The following CHL1 variants were observed in gnomAD, a reference collection of about 807,000 sequenced individuals.
CHL1 encodes the protein cell adhesion molecule L1 like.
Under a neutral mutation model 141.9 loss-of-function variants are expected in CHL1, and 96 were observed. That is an observed-to-expected ratio of 0.68 (90% CI 0.57 to 0.80). CHL1 has a LOEUF of 0.80. CHL1 is among the 30% of genes least tolerant of loss of function. CHL1 has a pLI of 0.00. For missense variants in CHL1, 1,820 were observed against 1,457.2 expected (o/e 1.25, Z -4.05); for synonymous variants, 613 against 502.2 (o/e 1.22, Z -2.95).
intron 2 of CHL1, among the ~76,000 whole-genome samples, chr3:249,868 A>G (rs909155475): frequency 6.6e-6 from 1 of 152,086 alleles, no homozygotes; most frequent in African/African-American, 2.4e-5. Context: ...CTGTATGAAT[A>G]TTATATGGGG....
chr3:405,680 G>A lies in CHL1; in HGVS notation c.3644G>A (p.Ser1215Asn), dbSNP rs1709488973. 3 of 1,613,304 alleles carry A rather than the reference G, an allele frequency of 1.9e-6. No individual in the cohort carries two copies. Among genetic ancestry groups the A allele is most frequent in the Non-Finnish European group, 2.5e-6 (3 of 1,179,460 alleles). Residue 1215 changes from serine (S) to asparagine (N), a missense_variant, in exon 28 of 28, where the codon AGT (serine) becomes AAT (asparagine). Coordinates refer to ENST00000256509, the MANE Select transcript of CHL1 (RefSeq NM_006614.4). ...AAGGGATCTGTTGAAAGCAATGGAAGTTCTACAGCAACTTTTCCCCTTCGG... is the reference window on the plus strand; with the variant it reads ...AAGGGATCTGTTGAAAGCAATGGAAATTCTACAGCAACTTTTCCCCTTCGG... ...KEKGSVESNG[S>N]STATFPLRA
intron 26 of CHL1, among the ~76,000 whole-genome samples, chr3:401,284 AAAAT>A (rs1372555225): frequency 6.6e-6 from 1 of 152,226 alleles, no homozygotes; most frequent in Non-Finnish European, 1.5e-5. Context: ...TTCAGATAGT[AAAAT>A]AAATATTTAG....
intron 1 of CHL1, among the ~76,000 whole-genome samples, chr3:227,792 C>G (rs1284478943): frequency 6.6e-6 from 1 of 152,208 alleles, no homozygotes; most frequent in East Asian, 1.9e-4. Flanking sequence ...GATACCTGCA[C>G]TCATTGCTTG....
chr3:376,495 T>G (rs1304589433), intron 15 of CHL1: 2 of 478,312 alleles, frequency 4.2e-6, no homozygotes, highest in Non-Finnish European at 8.2e-6. Flanking sequence ...TGGAGGCACC[T>G]AAGATACATT....
At chr3:242,625 AAAT>A (rs755282739) in intron 1 of CHL1, among the ~76,000 whole-genome samples, 3 of 151,652 alleles carry the variant, frequency 2.0e-5, no homozygotes, top group Admixed American at 6.6e-5. Flanking sequence ...AAATAAAATA[AAAT>A]AATACAGAGA....
At chr3:268,252 G>T (rs1695324848) in intron 2 of CHL1, among the ~76,000 whole-genome samples, 1 of 152,146 alleles carries the variant, frequency 6.6e-6, no homozygotes, top group African/African-American at 2.4e-5. Flanking sequence ...ATGATGACTA[G>T]GCCAGGCACA....
intron 2 of CHL1, among the ~76,000 whole-genome samples, chr3:250,663 C>T (rs1436970240): frequency 6.6e-6 from 1 of 152,076 alleles, no homozygotes; most frequent in African/African-American, 2.4e-5. Flanking sequence ...TGACTGCCTT[C>T]AGCTCAAAGT....
At chr3:401,794 A>G (rs1458146502) in intron 27 of CHL1, 96 bp downstream of exon 27, 7 of 704,826 alleles carry the variant, frequency 9.9e-6, no homozygotes, top group African/African-American at 7.4e-5. Context: ...AAAAGGTTAC[A>G]TAACTACAAT....
In CHL1 at chr3:337,492, G is replaced by A. The variant is rs150013367; in HGVS notation, c.386-3302G>A. Among the ~76,000 whole-genome samples, 863 of 151,910 alleles carry A rather than the reference G, an allele frequency of 5.7e-3. 4 individuals carry two copies. The highest frequency in any genetic ancestry group is 0.016 in the African/African-American group (666 of 41,378). ...TTAACTCATCATTTACATTAGGTAT[G>A]TCTCCCAATGCTATCCCTCCCCTCT... On this transcript the variant is annotated intron_variant, in intron 5 of 27. Coordinates refer to ENST00000256509, the MANE Select transcript of CHL1 (RefSeq NM_006614.4).
In CHL1 at chr3:391,765, A is replaced by T. The variant is rs528336095; in HGVS notation, c.2882A>T (p.Asn961Ile). The T allele has an allele frequency of 4.4e-5, 70 of 1,599,262 alleles. No homozygotes were observed. The East Asian group carries it at 1.5e-3, about 35-fold the overall frequency. ...SWGLPKKLNG[N>I]LTGYLLQYQI... ...GGACTACCTAAGAAATTAAATGGAA[A>T]CTTAACTGGCTATCTTTTGCAATAT... The change falls in exon 23 of 28, where the codon AAC (asparagine) becomes ATC (isoleucine). Residue 961 changes from asparagine (N) to isoleucine (I), a missense_variant. Asn to Ile is a moderately radical substitution (Grantham distance 149, BLOSUM62 -3). Coordinates refer to ENST00000256509, the MANE Select transcript of CHL1 (RefSeq NM_006614.4).
At chr3:228,294 T>G (rs1372969254) in intron 1 of CHL1, among the ~76,000 whole-genome samples, 11 of 151,692 alleles carry the variant, frequency 7.3e-5, no homozygotes, top group Non-Finnish European at 1.6e-4. Flanking sequence ...CAGGATTACA[T>G]TTAGTCTAAG....
chr3:257,062 C>A (rs892153306), intron 2 of CHL1, among the ~76,000 whole-genome samples: 4 of 152,118 alleles, frequency 2.6e-5, no homozygotes, highest in African/African-American at 9.7e-5. Flanking sequence ...GTTTTGTCCA[C>A]CTGTGTATCT....
rs1032310023 is a variant in CHL1 at position 407,871 on chromosome 3, A to G, written c.*2160A>G. 1.3e-5 allele frequency: 2 copies of G among 152,148 alleles called. No homozygotes were observed. The highest frequency in any genetic ancestry group is 2.9e-5 in the Non-Finnish European group (2 of 68,016). 9.4% of individuals were successfully genotyped at this position (152,148 alleles called of 1,614,324 possible). ...CCCCTTTAGCTGCCTGAAAATCAAGATTGCTCCTGCTCAGATCTTCTGAGT... is the reference window on the plus strand; with the variant it reads ...CCCCTTTAGCTGCCTGAAAATCAAGGTTGCTCCTGCTCAGATCTTCTGAGT... On this transcript the variant is annotated 3_prime_UTR_variant, in exon 28 of 28. Coordinates refer to ENST00000256509, the MANE Select transcript of CHL1 (RefSeq NM_006614.4).
intron 2 of CHL1, among the ~76,000 whole-genome samples, chr3:251,070 C>A (rs145633731): frequency 6.6e-6 from 1 of 152,140 alleles, no homozygotes; most frequent in African/African-American, 2.4e-5. Flanking sequence ...CTCTAATAAG[C>A]GCCAGAATAT....
chr3:237,226 C>T (rs768134623), intron 1 of CHL1, among the ~76,000 whole-genome samples: 2 of 152,130 alleles, frequency 1.3e-5, no homozygotes, highest in Non-Finnish European at 2.9e-5. Context: ...AGTGAGGTCT[C>T]ACAAGATCTG....
intron 2 of CHL1, among the ~76,000 whole-genome samples, chr3:256,877 G>A (rs893008558): frequency 1.3e-5 from 2 of 152,142 alleles, no homozygotes; most frequent in African/African-American, 2.4e-5. Context: ...TACCAGCCTT[G>A]GAATCTGGGC....
chr3:247,432 G>A (rs1478583709), intron 2 of CHL1: 1 of 152,024 alleles, frequency 6.6e-6, no homozygotes, highest in Non-Finnish European at 1.5e-5. Flanking sequence ...TTTGAGAGCA[G>A]AGTTCAAGTT....
At chr3:204,384 G>A (rs944535165) in intron 1 of CHL1, among the ~76,000 whole-genome samples, 7 of 152,340 alleles carry the variant, frequency 4.6e-5, no homozygotes, top group African/African-American at 1.4e-4. Context: ...GATCTTTGGA[G>A]GAAGTATCCT....
chr3:304,445 G>C (rs1373268090), intron 2 of CHL1, among the ~76,000 whole-genome samples: 1 of 151,994 alleles, frequency 6.6e-6, no homozygotes, highest in Non-Finnish European at 1.5e-5. Flanking sequence ...TCGGGGATTT[G>C]ACTTCTTCCT....
Sources: gnomAD v4.1 joint callset for allele counts (sites outside exome capture counted in the v4.1 genomes callset) on GRCh38, gnomAD v4.1.1 for gene constraint, MANE v1.5 for transcripts, NCBI Gene and HGNC (gene_info 2026-07-23, HGNC 2026-07-21) for gene names.